AFF2: variants seen among roughly 807,000 people sequenced by gnomAD.
AFF2 encodes the protein ALF transcription elongation factor 2.
Under a neutral mutation model 76.9 loss-of-function variants are expected in AFF2, and 14 were observed. That is an observed-to-expected ratio of 0.18 (90% CI 0.12 to 0.28). The LOEUF is 0.28. Ranked by LOEUF, AFF2 falls within the 10% of genes least tolerant of loss-of-function variation. The probability of loss-of-function intolerance (pLI) is 1.00; values close to 1 mark genes in which losing one functional copy is unlikely to be tolerated. For synonymous variants in AFF2, 398 were observed against 366.7 expected (o/e 1.09, Z -0.98); for missense variants, 868 against 1,001.1 (o/e 0.87, Z 1.79).
intron 1 of AFF2, among the ~76,000 whole-genome samples, chrX:148,569,901 G>C (rs1371000692): frequency 1.8e-5 from 2 of 111,641 alleles, no homozygotes; most frequent in Admixed American, 1.9e-4. Context: ...CATGATATCA[G>C]ACCACATGTA....
chrX:148,554,336 C>T (rs782029546), intron 1 of AFF2, among the ~76,000 whole-genome samples: 4 of 111,411 alleles, frequency 3.6e-5, no homozygotes, highest in Non-Finnish European at 7.5e-5. Context: ...GTTTGACATC[C>T]AGTTGAGGAG....
At chrX:148,562,515 C>T (rs1395451813) in intron 1 of AFF2, among the ~76,000 whole-genome samples, 1 of 111,839 alleles carries the variant, frequency 8.9e-6, no homozygotes, top group African/African-American at 3.3e-5. Flanking sequence ...CAAAGGGCCT[C>T]AGTTTTGTCT....
intron 1 of AFF2, among the ~76,000 whole-genome samples, chrX:148,559,205 A>G (rs1473885694): frequency 8.9e-6 from 1 of 111,838 alleles, no homozygotes; most frequent in Non-Finnish European, 1.9e-5. Flanking sequence ...ATCAAGATGA[A>G]TAATATTTTA....
At chrX:148,677,560 T>G (rs891227022) in intron 3 of AFF2, among the ~76,000 whole-genome samples, 3 of 112,486 alleles carry the variant, frequency 2.7e-5, no homozygotes, top group African/African-American at 9.7e-5. Flanking sequence ...CTATTAGTAA[T>G]GCAGTATATT....
At chrX:148,629,386 A>G (rs979860171) in intron 1 of AFF2, among the ~76,000 whole-genome samples, 2 of 112,324 alleles carry the variant, frequency 1.8e-5, no homozygotes, top group Non-Finnish European at 3.8e-5. Flanking sequence ...ATGAAGTCAA[A>G]TATTTGATTA....
At chrX:148,662,803 T>G in intron 3 of AFF2, 35 bp downstream of exon 3, 2 of 1,172,606 alleles carry the variant, frequency 1.7e-6, no homozygotes, top group Non-Finnish European at 2.3e-6. Context: ...TGGTTTCACT[T>G]TTTTTTAGTT....
chrX:148,792,406 G>A (rs782260425), intron 3 of AFF2, among the ~76,000 whole-genome samples: 27 of 112,591 alleles, frequency 2.4e-4, no homozygotes, highest in African/African-American at 8.1e-4. Flanking sequence ...TGAGCCGAGA[G>A]CGTGCCACTG....
intron 3 of AFF2, among the ~76,000 whole-genome samples, chrX:148,781,179 C>T (rs1332114310): frequency 8.9e-6 from 1 of 111,958 alleles, no homozygotes; most frequent in Non-Finnish European, 1.9e-5. Flanking sequence ...TATGAGGTGT[C>T]TGTCAACTCC....
intron 7 of AFF2, among the ~76,000 whole-genome samples, chrX:148,843,842 T>G (rs782510754): frequency 9.9e-5 from 11 of 111,026 alleles, no homozygotes; most frequent in Non-Finnish European, 1.7e-4. Flanking sequence ...ATCCCATTCA[T>G]GAGGGCTCAA....
intron 8 of AFF2, among the ~76,000 whole-genome samples, chrX:148,895,189 G>A (rs1028676822): frequency 9.0e-6 from 1 of 111,178 alleles, no homozygotes; most frequent in Admixed American, 9.5e-5. Flanking sequence ...ATTGCTTACT[G>A]GGGGGGCCAG....
intron 3 of AFF2, among the ~76,000 whole-genome samples, chrX:148,775,994 T>C (rs1305618644): frequency 2.7e-5 from 3 of 110,841 alleles, no homozygotes; most frequent in South Asian, 4.0e-4. Flanking sequence ...TTTCTCCTGA[T>C]GCTCTCCCTC....
chrX:148,676,738 T>G (rs1557259520), intron 3 of AFF2, among the ~76,000 whole-genome samples: 1 of 111,801 alleles, frequency 8.9e-6, no homozygotes, highest in African/African-American at 3.3e-5. Flanking sequence ...TAAGCTTTCC[T>G]GCAATGTAAA....
At chrX:148,627,961 G>A (rs782693412) in intron 1 of AFF2, among the ~76,000 whole-genome samples, 1 of 111,525 alleles carries the variant, frequency 9.0e-6, no homozygotes, top group Admixed American at 9.5e-5. Context: ...CTCTGAGATT[G>A]GCCAAGCTGG....
chrX:148,886,027 G>A, intron 8 of AFF2, 42 bp downstream of exon 8: 1 of 1,031,960 alleles, frequency 9.7e-7, no homozygotes, highest in Non-Finnish European at 1.4e-6. Context: ...GAAGGGGGGA[G>A]CAGGAGGAAC....
chrX:148,786,361 G>T (rs2069821126), intron 3 of AFF2, among the ~76,000 whole-genome samples: 2 of 111,481 alleles, frequency 1.8e-5, no homozygotes, highest in Non-Finnish European at 3.8e-5. Flanking sequence ...GAATTAATTT[G>T]CTAGGGCTGC....
intron 3 of AFF2, among the ~76,000 whole-genome samples, chrX:148,795,965 G>A (rs2069976770): frequency 1.0e-5 from 1 of 95,505 alleles, no homozygotes; most frequent in African/African-American, 3.8e-5. Flanking sequence ...AGCTTTTCAG[G>A]TAACCAATTA....
At chrX:148,840,902 G>A (rs1435718458) in intron 5 of AFF2, among the ~76,000 whole-genome samples, 1 of 111,969 alleles carries the variant, frequency 8.9e-6, no homozygotes, top group Non-Finnish European at 1.9e-5. Context: ...CACCTACTAT[G>A]TACCAAAAAA....
At chrX:148,844,970 ATGCTGTATGTTTTAGCTTTTCCATT>A (rs2070647363) in intron 7 of AFF2, among the ~76,000 whole-genome samples, 1 of 111,805 alleles carries the variant, frequency 8.9e-6, no homozygotes, top group African/African-American at 3.3e-5. Flanking sequence ...ATCATCTTTG[ATGCTGTATGTTTTAGCTTTTCCATT>A]AATCACATTT....
chrX:148,637,673 T>C (rs1287028434), intron 1 of AFF2, among the ~76,000 whole-genome samples: 2 of 112,452 alleles, frequency 1.8e-5, no homozygotes, highest in African/African-American at 6.5e-5. Flanking sequence ...CATAATGGTG[T>C]CTGTATAAAA....
Sources: gnomAD v4.1 joint callset for allele counts (sites outside exome capture counted in the v4.1 genomes callset) on GRCh38, gnomAD v4.1.1 for gene constraint, MANE v1.5 for transcripts, NCBI Gene and HGNC (gene_info 2026-07-23, HGNC 2026-07-21) for gene names.